Variants in WBP4 observed in about 807,000 individuals in gnomAD.
WBP4 encodes WW domain binding protein 4.
In WBP4, 37 loss-of-function variants were observed where a neutral mutation model predicts 55.4. The observed-to-expected ratio is 0.67, with a 90% confidence interval of 0.51 to 0.88. The LOEUF (loss-of-function observed/expected upper bound fraction) is 0.88, where lower values mean the gene tolerates loss of function less well. WBP4 is among the 40% of genes least tolerant of loss of function. The probability of loss-of-function intolerance (pLI) is 0.00; values close to 1 mark genes in which losing one functional copy is unlikely to be tolerated. For missense variants in WBP4, 398 were observed against 420.8 expected (o/e 0.95, Z 0.47); for synonymous variants, 142 against 140.2 (o/e 1.01, Z -0.09).
chr13:41,073,672 G>A (rs1878350353), intron 7 of WBP4, among the ~76,000 whole-genome samples: 1 of 152,016 alleles, frequency 6.6e-6, no homozygotes, highest in East Asian at 1.9e-4. Flanking sequence ...CCCGGGCGTG[G>A]TGGTGGGCAC....
At chr13:41,069,013 T>C (rs1367561950) in intron 5 of WBP4, among the ~76,000 whole-genome samples, 1 of 152,200 alleles carries the variant, frequency 6.6e-6, no homozygotes, top group Non-Finnish European at 1.5e-5. Context: ...TCTGTAAGTA[T>C]AAACTACATG....
Position 41,068,629 on chromosome 13 carries a change from AAAGAAAAGAAAGAAAAG to A in WBP4, c.343_359del (p.Glu115LysfsTer15). 1 of 1,612,112 alleles carries A rather than the reference AAAGAAAAGAAAGAAAAG, an allele frequency of 6.2e-7. No homozygotes were observed. Among genetic ancestry groups the A allele is most frequent in the Non-Finnish European group, 8.5e-7 (1 of 1,179,540 alleles). The stretch of plus-strand genomic sequence containing the variant: ...ACCTACCTCGACATCAAATCAACAG[AAAGAAAAGAAAGAAAAG>A]AAGAAAAGAAAAAAAGATCCTTCAA... On this transcript the variant is annotated frameshift_variant, in exon 5 of 10. Coordinates refer to ENST00000379487, the MANE Select transcript of WBP4 (RefSeq NM_007187.5). LOFTEE classifies it high-confidence loss of function.
chr13:41,076,600 C>G (rs1878506398), intron 8 of WBP4, among the ~76,000 whole-genome samples: 1 of 152,014 alleles, frequency 6.6e-6, no homozygotes, highest in Admixed American at 6.6e-5. Context: ...TTTTGAAAAG[C>G]TCTACAGACC....
chr13:41,075,113 G>T (rs895790270), intron 7 of WBP4, among the ~76,000 whole-genome samples: 1 of 152,058 alleles, frequency 6.6e-6, no homozygotes, highest in Non-Finnish European at 1.5e-5. Flanking sequence ...GAATGATTTT[G>T]GTTTATTCCT....
chr13:41,070,735 T>C (rs912942334), intron 5 of WBP4, among the ~76,000 whole-genome samples: 7 of 151,468 alleles, frequency 4.6e-5, no homozygotes, highest in African/African-American at 1.7e-4. Context: ...GAGCAAGAAG[T>C]AAAGAAGGTG....
rs769128488 is a variant in WBP4, at chr13:41,076,516, C to T, written c.756+279C>T. On this transcript the variant is annotated intron_variant, in intron 8 of 9. Coordinates refer to ENST00000379487, the MANE Select transcript of WBP4 (RefSeq NM_007187.5). ...CAGGATGGTCTTGATCTCCTGACCT[C>T]GTGATCTACTTGCCTCGGCGTCCCA... is the stretch of plus-strand genomic sequence containing the variant. 2.6e-5 allele frequency among the ~76,000 whole-genome samples: 4 copies of T among 151,944 alleles called. No homozygotes were observed. In the South Asian group the frequency reaches 8.3e-4, roughly 32 times the overall value.
chr13:41,072,901 T>A (rs757535749), intron 7 of WBP4, 44 bp downstream of exon 7: 107 of 1,499,914 alleles, frequency 7.1e-5, no homozygotes, highest in Non-Finnish European at 8.5e-5. Context: ...AAATTGTACC[T>A]GGAACTGCTT....
chr13:41,069,891 AAG>A (rs1319947258), intron 5 of WBP4, among the ~76,000 whole-genome samples: 1 of 150,826 alleles, frequency 6.6e-6, no homozygotes, highest in Non-Finnish European at 1.5e-5. Context: ...AAAAAAAAAA[AAG>A]AAAAAAAAAA....
intron 5 of WBP4, among the ~76,000 whole-genome samples, chr13:41,071,074 T>C (rs982987736): frequency 2.6e-5 from 4 of 152,232 alleles, no homozygotes; most frequent in Non-Finnish European, 5.9e-5. Context: ...CCAATGCTTA[T>C]TGCTTGCCTC....
chr13:41,072,884 CTG>C (rs1878314093), intron 7 of WBP4, 27 bp downstream of exon 7: 1 of 1,584,266 alleles, frequency 6.3e-7, no homozygotes, highest in African/African-American at 1.4e-5. Flanking sequence ...ATTATCTTAA[CTG>C]TTTAAAATTG....
chr13:41,071,734 C>A (rs1211939165), intron 6 of WBP4, among the ~76,000 whole-genome samples, 161 bp downstream of exon 6: 2 of 151,936 alleles, frequency 1.3e-5, no homozygotes, highest in African/African-American at 4.8e-5. Context: ...TGTTAGAAGG[C>A]TGGATGGAGA....
In WBP4 at chr13:41,065,183, A is replaced by G. The variant is rs752054802; in HGVS notation, c.158A>G (p.Asp53Gly). The change falls in exon 4 of 10, where the codon GAT becomes GGT. Residue 53 changes from aspartate to glycine, a missense_variant. Physicochemically the swap from Asp to Gly is moderately conservative, Grantham distance 94. Transcript: ENST00000379487. The stretch of plus-strand genomic sequence containing the variant: ...ACATAGATTAAACAGAAAAGCCTGG[A>G]TAAGGCAAAGGAAGAAGAAAAGGCA... ...RISEIKQKSL[D>G]KAKEEEKASK... 27 of 1,612,604 alleles carry G rather than the reference A, an allele frequency of 1.7e-5. No individual in the cohort carries two copies. Among genetic ancestry groups the G allele is most frequent in the Non-Finnish European group, 2.1e-5 (25 of 1,179,420 alleles).
At chr13:41,070,194 T>C (rs1223643301) in intron 5 of WBP4, among the ~76,000 whole-genome samples, 2 of 152,186 alleles carry the variant, frequency 1.3e-5, no homozygotes, top group African/African-American at 4.8e-5. Flanking sequence ...GAGATTACCA[T>C]AGGAATTACT....
intron 9 of WBP4, 70 bp from the exon 10 acceptor site, chr13:41,082,634 G>A: frequency 7.1e-7 from 1 of 1,407,446 alleles, no homozygotes; most frequent in South Asian, 1.2e-5. Context: ...AGCTGATCTT[G>A]GGGCATTGGT....
At chr13:41,065,319 C>T (rs531340162) in intron 4 of WBP4, 32 bp downstream of exon 4, 1 of 1,534,916 alleles carries the variant, frequency 6.5e-7, no homozygotes, top group East Asian at 2.3e-5. Flanking sequence ...AAGCAGCCAG[C>T]ATGTTTTAAA....
intron 4 of WBP4, among the ~76,000 whole-genome samples, chr13:41,066,910 T>C (rs1877997947): frequency 2.6e-5 from 4 of 152,202 alleles, no homozygotes; most frequent in African/African-American, 9.7e-5. Flanking sequence ...CTGATGTACA[T>C]TTTCATTAGA....
At chr13:41,076,790 C>A (rs1050564420) in intron 8 of WBP4, among the ~76,000 whole-genome samples, 5 of 152,172 alleles carry the variant, frequency 3.3e-5, no homozygotes, top group Non-Finnish European at 7.4e-5. Flanking sequence ...TACCTAGTTA[C>A]ACCTAGGATC....
chr13:41,082,142 C>G (rs751933494), intron 9 of WBP4, among the ~76,000 whole-genome samples: 1 of 152,122 alleles, frequency 6.6e-6, no homozygotes, highest in Non-Finnish European at 1.5e-5. Flanking sequence ...GCTAGGCATA[C>G]AGCTCCATTC....
Position 41,064,886 on chromosome 13 carries a change from T to G in WBP4, c.76-130T>G, listed in dbSNP as rs879246136. 3.0e-5 allele frequency: 26 copies of G among 861,896 alleles called. No homozygotes were observed. The South Asian group carries it at 5.0e-4, about 16-fold the overall frequency. 53.4% of individuals were successfully genotyped at this position (861,896 alleles called of 1,614,324 possible). On this transcript the variant is annotated intron_variant, in intron 2 of 9. Transcript: ENST00000379487. ...TTAAAAGGGCCAATTTGCATTAAAT[T>G]AATGTTTTCATCTTTTCTGCCATTC...
Sources: gnomAD v4.1 joint callset for allele counts (sites outside exome capture counted in the v4.1 genomes callset) on GRCh38, gnomAD v4.1.1 for gene constraint, MANE v1.5 for transcripts, NCBI Gene and HGNC (gene_info 2026-07-23, HGNC 2026-07-21) for gene names.